The following DTNBP1 variants were observed in gnomAD, a reference collection of about 807,000 sequenced individuals.
The protein encoded by DTNBP1 is dystrobrevin binding protein 1, also known as dysbindin.
Under a neutral mutation model 42.8 loss-of-function variants are expected in DTNBP1, and 35 were observed. That is an observed-to-expected ratio of 0.82 (90% CI 0.63 to 1.09). The LOEUF is 1.09. Among genes scored for constraint, DTNBP1 ranks in the 50% least tolerant of loss-of-function variants. The pLI is 0.00. For missense variants in DTNBP1, 457 were observed against 424.2 expected (o/e 1.08, Z -0.68); for synonymous variants, 171 against 162.2 (o/e 1.05, Z -0.41).
intron 1 of DTNBP1, among the ~76,000 whole-genome samples, chr6:15,662,008 T>G (rs1436980900): frequency 6.6e-6 from 1 of 152,190 alleles, no homozygotes; most frequent in Non-Finnish European, 1.5e-5. Flanking sequence ...AGTCTCGGCC[T>G]GTGGTTCCCA....
Position 15,528,535 on chromosome 6 carries a change from C to T in DTNBP1, c.668-3866G>A, listed in dbSNP as rs145741399. ...GGGACGGGCGGCAGAAGAATGGAGC[C>T]GAAAAGAGAGGCTTGAAGATTCCTG... is the stretch of plus-strand genomic sequence containing the variant. On this transcript the variant is annotated intron_variant, in intron 8 of 9. Coordinates refer to ENST00000344537, the MANE Select transcript of DTNBP1 (RefSeq NM_032122.5). Among the ~76,000 whole-genome samples the T allele has an allele frequency of 2.0e-3, 299 of 152,192 alleles. 4 individuals are homozygous for T. The Middle Eastern group carries it at 0.024, about 12-fold the overall frequency.
chr6:15,566,831 G>A (rs935856195), intron 7 of DTNBP1, among the ~76,000 whole-genome samples: 1 of 151,710 alleles, frequency 6.6e-6, no homozygotes, highest in Non-Finnish European at 1.5e-5. Context: ...CTCCTGAGTA[G>A]CTGGGATTAT....
intron 1 of DTNBP1, among the ~76,000 whole-genome samples, chr6:15,662,337 G>A (rs1761690496): frequency 6.6e-6 from 1 of 152,248 alleles, no homozygotes; most frequent in South Asian, 2.1e-4. Flanking sequence ...GGAAGGCTGT[G>A]GCCGGAGGGT....
At chr6:15,596,555 C>T (rs1463008842) in intron 6 of DTNBP1, among the ~76,000 whole-genome samples, 1 of 152,178 alleles carries the variant, frequency 6.6e-6, no homozygotes. Context: ...TGTTCTCCCA[C>T]CTCCTCAGTT....
At chr6:15,661,200 A>T (rs1050796320) in intron 1 of DTNBP1, among the ~76,000 whole-genome samples, 3 of 152,256 alleles carry the variant, frequency 2.0e-5, no homozygotes, top group African/African-American at 7.2e-5. Context: ...TTAGAAATTT[A>T]AAACGAGGCT....
chr6:15,536,467 G>C (rs573151211), intron 7 of DTNBP1, among the ~76,000 whole-genome samples: 1 of 152,356 alleles, frequency 6.6e-6, no homozygotes, highest in Non-Finnish European at 1.5e-5. Flanking sequence ...GGTACAGCTT[G>C]GGCTATTGCT....
At chr6:15,533,886 T>A (rs1773045242) in intron 7 of DTNBP1, among the ~76,000 whole-genome samples, 1 of 152,240 alleles carries the variant, frequency 6.6e-6, no homozygotes, top group South Asian at 2.1e-4. Flanking sequence ...ATGCTGTCAC[T>A]CAGCTCAGAG....
intron 6 of DTNBP1, among the ~76,000 whole-genome samples, chr6:15,605,683 GTTCT>G (rs1273826707): frequency 2.6e-5 from 4 of 152,102 alleles, no homozygotes; most frequent in African/African-American, 9.7e-5. Flanking sequence ...ATGGTTTTAA[GTTCT>G]TTATTTTGGC....
At chr6:15,661,105 GAC>G (rs1308105932) in intron 1 of DTNBP1, among the ~76,000 whole-genome samples, 1 of 152,240 alleles carries the variant, frequency 6.6e-6, no homozygotes, top group Non-Finnish European at 1.5e-5. Flanking sequence ...TCAAGCGTTT[GAC>G]AGTTTGTTAT....
rs536549373 is a variant in DTNBP1, at chr6:15,568,798, G to A, written c.511+24261C>T. On this transcript the variant is annotated intron_variant, in intron 7 of 9. Coordinates refer to ENST00000344537, the MANE Select transcript of DTNBP1 (RefSeq NM_032122.5). ...TAGCTTGCTTTATTGTGAGAATATA[G>A]CATATTATACTTATGACATACCAAA... is the stretch of plus-strand genomic sequence containing the variant. Among the ~76,000 whole-genome samples the A allele has an allele frequency of 4.6e-5, 7 of 152,242 alleles. No individual in the cohort carries two copies. The South Asian group carries it at 1.5e-3, about 32-fold the overall frequency.
At chr6:15,620,867 A>G (rs1458200007) in intron 5 of DTNBP1, among the ~76,000 whole-genome samples, 1 of 152,320 alleles carries the variant, frequency 6.6e-6, no homozygotes, top group South Asian at 2.1e-4. Context: ...GTGAAGAGAG[A>G]GCTAACAACA....
At chr6:15,647,476 G>A (rs757679277) in intron 3 of DTNBP1, among the ~76,000 whole-genome samples, 1 of 151,104 alleles carries the variant, frequency 6.6e-6, no homozygotes, top group Non-Finnish European at 1.5e-5. Flanking sequence ...GAGTTCAAAA[G>A]CACATTTGAG....
chr6:15,627,380 A>G lies in DTNBP1; in HGVS notation c.318T>C (p.Ala106=). 1 of 1,613,792 alleles carries G rather than the reference A, an allele frequency of 6.2e-7. No individual in the cohort carries two copies. Among genetic ancestry groups the G allele is most frequent in the Non-Finnish European group, 8.5e-7 (1 of 1,179,930 alleles). ...TCATGGATTCTAAGTCTGCGATTAAAGCTGGGAGCTGCTGGAGCTGCTCTT... is the reference window on the plus strand; with the variant it reads ...TCATGGATTCTAAGTCTGCGATTAAGGCTGGGAGCTGCTGGAGCTGCTCTT... ...ELQEQLQQLP[A]LIADLESMTA... Residue 106 remains alanine, a synonymous_variant, in exon 5 of 10, where the codon GCT becomes GCC. Coordinates refer to ENST00000344537, the MANE Select transcript of DTNBP1 (RefSeq NM_032122.5).
intron 7 of DTNBP1, among the ~76,000 whole-genome samples, chr6:15,576,369 C>T (rs1422196228): frequency 1.3e-5 from 2 of 152,012 alleles, no homozygotes; most frequent in Non-Finnish European, 2.9e-5. Context: ...GTGATCCGCC[C>T]GCTGTGGCCT....
At chr6:15,558,387 C>T (rs1224525053) in intron 7 of DTNBP1, among the ~76,000 whole-genome samples, 2 of 151,960 alleles carry the variant, frequency 1.3e-5, no homozygotes, top group African/African-American at 2.4e-5. Flanking sequence ...CTGCCTCAGC[C>T]TCCCAAGTAT....
intron 7 of DTNBP1, among the ~76,000 whole-genome samples, chr6:15,578,012 C>T (rs1032849421): frequency 6.6e-6 from 1 of 152,194 alleles, no homozygotes; most frequent in African/African-American, 2.4e-5. Flanking sequence ...AGTATGTGGA[C>T]AGTACGAACA....
intron 7 of DTNBP1, among the ~76,000 whole-genome samples, chr6:15,560,311 A>AG (rs1471539761): frequency 6.6e-6 from 1 of 152,180 alleles, no homozygotes; most frequent in East Asian, 1.9e-4. Flanking sequence ...CTCAAAAAAA[A>AG]AAAAAGTGTT....
intron 7 of DTNBP1, among the ~76,000 whole-genome samples, chr6:15,580,909 T>G (rs1775798933): frequency 6.6e-6 from 1 of 152,168 alleles, no homozygotes. Context: ...TATGGGGTAT[T>G]GGAAAACTAG....
At chr6:15,589,076 G>T (rs911132135) in intron 7 of DTNBP1, among the ~76,000 whole-genome samples, 2 of 152,140 alleles carry the variant, frequency 1.3e-5, no homozygotes, top group East Asian at 3.8e-4. Context: ...TGTCTCACAC[G>T]TTAAGCCAAC....
Sources: gnomAD v4.1 joint callset for allele counts (sites outside exome capture counted in the v4.1 genomes callset) on GRCh38, gnomAD v4.1.1 for gene constraint, MANE v1.5 for transcripts, NCBI Gene and HGNC (gene_info 2026-07-23, HGNC 2026-07-21) for gene names.